OOEP: variants seen among roughly 807,000 people sequenced by gnomAD.
The protein encoded by OOEP is oocyte expressed protein.
Under a neutral mutation model 13.7 loss-of-function variants are expected in OOEP, and 16 were observed. That is an observed-to-expected ratio of 1.16 (90% confidence interval 0.79 to 1.77). The LOEUF is 1.77. Ranked by LOEUF, OOEP falls within the 40% of genes most tolerant of loss-of-function variation. The pLI is 0.00. For missense variants in OOEP, 195 were observed against 193.1 expected, an observed-to-expected ratio of 1.01 and a Z score of -0.06; for synonymous variants, 89 against 77.1, an observed-to-expected ratio of 1.15 and a Z score of -0.81.
intron 2 of OOEP, among the ~76,000 whole-genome samples, chr6:73,384,739 C>CTTT (rs772710975): frequency 7.2e-6 from 1 of 139,126 alleles, no homozygotes; most frequent in African/African-American, 2.6e-5. Context: ...ACAAACAAAC[C>CTTT]TTTTTTTTTT....
chr6:73,370,973 GTTGT>G (rs1384303813), upstream of OOEP, among the ~76,000 whole-genome samples: 3 of 151,902 alleles, frequency 2.0e-5, no homozygotes, highest in Non-Finnish European at 4.4e-5. Flanking sequence ...TGTTGTTGTT[GTTGT>G]TTGTCTGTTT....
At chr6:73,387,462 C>T (rs1172713315) in intron 2 of OOEP, among the ~76,000 whole-genome samples, 3 of 151,852 alleles carry the variant, frequency 2.0e-5, no homozygotes, top group African/African-American at 4.8e-5. Flanking sequence ...TGCAGTGAGC[C>T]GAGATAGCAC....
intron 2 of OOEP, among the ~76,000 whole-genome samples, chr6:73,386,929 T>C (rs928181017): frequency 3.7e-5 from 5 of 134,380 alleles, no homozygotes; most frequent in Admixed American, 2.5e-4. Flanking sequence ...GATCATGCCA[T>C]TGCAGTCCAG....
chr6:73,368,573 T>C lies in OOEP; in HGVS notation c.*211A>G, dbSNP rs187502050. On this transcript the variant is annotated 3_prime_UTR_variant, in exon 3 of 3. Coordinates refer to ENST00000370359, the MANE Select transcript of OOEP (RefSeq NM_001080507.3). ...GTCAATCTTTTATAAATTTGCTTTA[T>C]TATAAGTGTGTGAAGATCTTAATGC... 18 of 490,650 alleles carry C rather than the reference T, an allele frequency of 3.7e-5. No individual in the cohort carries two copies. In the East Asian group the frequency reaches 4.5e-4, roughly 12 times the overall value. The allele number at this position is 490,650 out of a possible 1,614,324, so 30.4% of individuals were successfully genotyped here. A position where few individuals can be genotyped will look rare whatever the true frequency, so the allele number is the denominator to read the frequency against.
upstream of OOEP, among the ~76,000 whole-genome samples, chr6:73,373,842 G>T (rs1726618239): frequency 6.6e-6 from 1 of 152,070 alleles, no homozygotes; most frequent in Non-Finnish European, 1.5e-5. Context: ...ACCCACCTCG[G>T]CCTCCCAAAG....
chr6:73,372,859 A>G (rs1769078422), upstream of OOEP, among the ~76,000 whole-genome samples: 1 of 151,728 alleles, frequency 6.6e-6, no homozygotes, highest in Non-Finnish European at 1.5e-5. Flanking sequence ...GACGTTTCAC[A>G]GAGCTCTTAA....
At chr6:73,375,572 T>G (rs1017400543) in intron 2 of OOEP, among the ~76,000 whole-genome samples, 3 of 146,394 alleles carry the variant, frequency 2.0e-5, no homozygotes, top group African/African-American at 7.4e-5. Flanking sequence ...CTTTTCCTTA[T>G]ATATAAAACA....
In OOEP at chr6:73,369,801, C is replaced by A; in HGVS notation, c.-9G>T. The A allele has an allele frequency of 1.2e-6, 2 of 1,609,438 alleles. No homozygotes were observed. Among genetic ancestry groups the A allele is most frequent in the Non-Finnish European group, 1.7e-6 (2 of 1,176,922 alleles). ...CCAGCATCATCGACCATACTGGGACCAGCAGCCGCGGAGCGCGCTCGAGGC... is the reference window on the plus strand; with the variant it reads ...CCAGCATCATCGACCATACTGGGACAAGCAGCCGCGGAGCGCGCTCGAGGC... On this transcript the variant is annotated 5_prime_UTR_variant, in exon 1 of 3. Transcript: ENST00000370359.
upstream of OOEP, among the ~76,000 whole-genome samples, chr6:73,374,868 CAGGCT>C: frequency 6.6e-6 from 1 of 152,310 alleles, no homozygotes; most frequent in African/African-American, 2.4e-5. Flanking sequence ...TCTTGTCGCC[CAGGCT>C]GGAGTGCAGT....
chr6:73,382,279 G>A (rs1435280432), intron 2 of OOEP, among the ~76,000 whole-genome samples: 2 of 146,412 alleles, frequency 1.4e-5, no homozygotes, highest in Admixed American at 7.0e-5. Context: ...GTGTAGTGGC[G>A]TGATCTCAGC....
intron 2 of OOEP, 82 bp from the exon 3 acceptor site, chr6:73,368,945 G>A (rs1768999261): frequency 8.9e-7 from 1 of 1,122,896 alleles, no homozygotes; most frequent in Non-Finnish European, 1.3e-6. Flanking sequence ...GGGAGTTGGG[G>A]AGGAGAGAAA....
In OOEP at chr6:73,384,047, A is replaced by G. The variant is rs373775643; in HGVS notation, c.25+10299T>C. On this transcript the variant is annotated intron_variant, in intron 2 of 3. Transcript: ENST00000370363. ...GGAGGTCAAGGCTGCAGTGAGCCAA[A>G]ATCATGACAGTGCCCTCCAGCCCAG... Among the ~76,000 whole-genome samples, 27 of 152,246 alleles carry G rather than the reference A, an allele frequency of 1.8e-4. No individual in the cohort carries two copies. The East Asian group carries it at 2.7e-3, about 15-fold the overall frequency.
At position 73,381,690 on chromosome 6, in the gene OOEP, A is replaced by C. The variant is rs1264516273; in HGVS notation, c.26-12305T>G. On this transcript the variant is annotated intron_variant, in intron 2 of 3. Transcript: ENST00000370363. ...GCCGGCGTGGGGGGACAATTAATATAAAAAACCAGGCTGGGCGCGGTGGCT... is the reference window on the plus strand; with the variant it reads ...GCCGGCGTGGGGGGACAATTAATATCAAAAACCAGGCTGGGCGCGGTGGCT... Among the ~76,000 whole-genome samples, 4 of 152,282 alleles carry C rather than the reference A, an allele frequency of 2.6e-5. No individual in the cohort carries two copies. The East Asian group carries it at 5.8e-4, about 22-fold the overall frequency.
upstream of OOEP, among the ~76,000 whole-genome samples, chr6:73,372,319 G>C (rs1769069824): frequency 6.6e-6 from 1 of 152,086 alleles, no homozygotes. Flanking sequence ...GGGATCTTCT[G>C]CCATAAACCC....
chr6:73,384,771 C>T (rs1769247473), intron 2 of OOEP, among the ~76,000 whole-genome samples: 1 of 150,340 alleles, frequency 6.7e-6, no homozygotes, highest in South Asian at 2.1e-4. Flanking sequence ...GAGTCTTGCT[C>T]TGTCAACCAG....
At chr6:73,378,193 C>A (rs937199200) in intron 2 of OOEP, among the ~76,000 whole-genome samples, 1 of 151,906 alleles carries the variant, frequency 6.6e-6, no homozygotes, top group Non-Finnish European at 1.5e-5. Context: ...ACCTCCACTT[C>A]CAGGGCTCAA....
At chr6:73,374,913 C>T (rs1215044203) in intron 2 of OOEP, among the ~76,000 whole-genome samples, 1 of 152,202 alleles carries the variant, frequency 6.6e-6, no homozygotes, top group Non-Finnish European at 1.5e-5. Flanking sequence ...GCAACCTCCA[C>T]CTCCCAGGTT....
At chr6:73,394,617 G>C (rs575785933) in intron 1 of OOEP, 12 of 322,774 alleles carry the variant, frequency 3.7e-5, no homozygotes, top group African/African-American at 1.5e-4. Flanking sequence ...AATACACAGT[G>C]GGGGGGTGGG....
At chr6:73,389,345 C>G (rs891906971) in intron 2 of OOEP, among the ~76,000 whole-genome samples, 2 of 152,128 alleles carry the variant, frequency 1.3e-5, no homozygotes, top group African/African-American at 4.8e-5. Context: ...AAAATGCAAG[C>G]TTGTGGAAAT....
Sources: allele counts gnomAD v4.1 joint callset (sites outside exome capture counted in the v4.1 genomes callset), GRCh38; gene constraint gnomAD v4.1.1; transcripts MANE v1.5; gene names NCBI Gene and HGNC (gene_info 2026-07-23, HGNC 2026-07-21).